Variants in BIRC6 observed in about 807,000 individuals in gnomAD.
The protein encoded by BIRC6 is baculoviral IAP repeat containing 6.
A neutral mutation model predicts 503.3 loss-of-function variants in BIRC6; 98 were observed. That is an observed-to-expected ratio of 0.19 (90% confidence interval 0.17 to 0.23). BIRC6 has a LOEUF of 0.23. BIRC6 is among the 10% of genes least tolerant of loss of function. The pLI is 1.00. For synonymous variants in BIRC6, 2,240 were observed against 2,078.7 expected, an observed-to-expected ratio of 1.08 and a Z score of -2.11; for missense variants, 5,360 against 5,806.0, an observed-to-expected ratio of 0.92 and a Z score of 2.50.
At chr2:32,511,201 C>CTTTTTTTTT in intron 53 of BIRC6, among the ~76,000 whole-genome samples, 1,899 of 48,122 alleles carry the variant, frequency 0.039, 1 homozygote, top group East Asian at 0.08. Flanking sequence ...CTTTTCTTTT[C>CTTTTTTTTT]TTTTTTTTTT....
Position 32,431,080 on chromosome 2 carries a change from C to G in BIRC6, c.3238C>G (p.Gln1080Glu). 6.2e-7 allele frequency: 1 copy of G among 1,602,798 alleles called. No individual in the cohort carries two copies. Among genetic ancestry groups the G allele is most frequent in the Non-Finnish European group, 8.5e-7 (1 of 1,172,954 alleles). ...TCAGCATACTCGAACTTGGAAACTA[C>G]AGACCGACAGGTAAAAGATATTCCC... The part of the protein sequence containing the change: ...AAQHTRTWKL[Q>E]TDSNSWDEHV... Residue 1080 changes from glutamine (Q) to glutamate (E), a missense_variant, in exon 12 of 74, where the codon CAG (glutamine) becomes GAG (glutamate). By Grantham distance (29) the Gln-to-Glu change is conservative. This residue lies in a region of BIRC6 where 2,299 missense variants were observed against 2,267.2 expected (regional missense o/e 1.01). Transcript: ENST00000421745.
chr2:32,407,468 GATTT>G (rs1281426701), intron 9 of BIRC6, among the ~76,000 whole-genome samples: 2 of 130,496 alleles, frequency 1.5e-5, no homozygotes, highest in Non-Finnish European at 3.3e-5. Context: ...AAAAAAAAAA[GATTT>G]AGATAAGATA....
Position 32,509,793 on chromosome 2 carries a change from G to A in BIRC6, c.10036G>A (p.Gly3346Arg). 6.2e-7 allele frequency: 1 copy of A among 1,614,002 alleles called. No homozygotes were observed. Among genetic ancestry groups the A allele is most frequent in the Admixed American group, 1.7e-5 (1 of 60,026 alleles). The change falls in exon 52 of 74, where the codon GGA (glycine) becomes AGA (arginine). Residue 3346 changes from glycine to arginine, a missense_variant. Coordinates refer to ENST00000421745, the MANE Select transcript of BIRC6 (RefSeq NM_016252.4). The part of the protein sequence containing the change: ...HCLTHISDLE[G>R]MMASAAAPTA... Reference sequence around the variant, plus strand: ...CCTTACTCACATAAGTGATCTAGAAGGAATGATGGCAAGTGCAGCTGCACC... The same window carrying A: ...CCTTACTCACATAAGTGATCTAGAAAGAATGATGGCAAGTGCAGCTGCACC...
In BIRC6 at chr2:32,364,709, A is replaced by C. The variant is rs138224037; in HGVS notation, c.325+7223A>C. ...AAATTTGTATGTGGTCATAAATAAG[A>C]GGAAGATCTTTGTACTTTACTGTAG... On this transcript the variant is annotated intron_variant, in intron 1 of 73. Coordinates refer to ENST00000421745, the MANE Select transcript of BIRC6 (RefSeq NM_016252.4). Among the ~76,000 whole-genome samples the C allele has an allele frequency of 7.5e-3, 1,137 of 151,396 alleles. 8 individuals are homozygous for C. Among genetic ancestry groups the C allele is most frequent in the Middle Eastern group, 0.021 (6 of 288 alleles).
intron 50 of BIRC6, among the ~76,000 whole-genome samples, chr2:32,506,904 A>T (rs2053857714): frequency 6.6e-6 from 1 of 152,206 alleles, no homozygotes; most frequent in Admixed American, 6.5e-5. Flanking sequence ...GTAGAAATTT[A>T]AAAATTAACT....
At chr2:32,494,828 G>C (rs1646355801) in intron 45 of BIRC6, among the ~76,000 whole-genome samples, 1 of 152,130 alleles carries the variant, frequency 6.6e-6, no homozygotes, top group East Asian at 1.9e-4. Flanking sequence ...GAGATTGATT[G>C]AACCAGTGAG....
At chr2:32,374,673 T>C (rs563796975) in intron 1 of BIRC6, among the ~76,000 whole-genome samples, 26 of 152,032 alleles carry the variant, frequency 1.7e-4, no homozygotes, top group African/African-American at 4.1e-4. Context: ...GGGGTTTCAC[T>C]GTGTTAGCCA....
intron 61 of BIRC6, among the ~76,000 whole-genome samples, chr2:32,542,455 A>G (rs2057738911): frequency 6.6e-6 from 1 of 152,208 alleles, no homozygotes; most frequent in Non-Finnish European, 1.5e-5. Flanking sequence ...ATTAATAATG[A>G]TAGTAACAGT....
chr2:32,466,422 C>T (rs563470622), intron 26 of BIRC6, among the ~76,000 whole-genome samples: 10 of 152,274 alleles, frequency 6.6e-5, no homozygotes, highest in African/African-American at 2.2e-4. Context: ...TGGGAAAAAG[C>T]ATTGTTTGAG....
rs865806711 is a variant in BIRC6, at chr2:32,357,204, G to A, written c.43G>A (p.Glu15Lys). Residue 15 changes from glutamate to lysine, a missense_variant, in exon 1 of 74, where the codon GAG becomes AAG. Glu to Lys is a moderately conservative substitution (Grantham distance 56, BLOSUM62 1). This residue lies in a region of BIRC6 where 145 missense variants were observed against 106.9 expected (regional missense o/e 1.36). Coordinates refer to ENST00000421745, the MANE Select transcript of BIRC6 (RefSeq NM_016252.4). This position sits in a 1 kb window ranked among gnomAD's most constrained non-coding sequence, Gnocchi z 4.9. ...GGAAPPGTVT[E>K]PLPSVIVLSA... ...TGCTGCACCTCCCGGGACTGTCACT[G>A]AGCCGCTTCCCAGTGTGATTGTGCT... is the stretch of plus-strand genomic sequence containing the variant. The A allele has an allele frequency of 1.9e-6, 3 of 1,539,776 alleles. No homozygotes were observed. In the African/African-American group the frequency reaches 4.3e-5, roughly 22 times the overall value.
intron 64 of BIRC6, chr2:32,548,573 G>A (rs1359285855): frequency 1.5e-5 from 2 of 137,668 alleles, no homozygotes; most frequent in East Asian, 4.3e-4. Context: ...CCTGAGGTCA[G>A]GAGTTTGAGA....
intron 14 of BIRC6, 60 bp downstream of exon 14, chr2:32,435,645 A>C: frequency 6.8e-7 from 1 of 1,468,208 alleles, no homozygotes; most frequent in Non-Finnish European, 9.0e-7. Flanking sequence ...TCTGAATGCA[A>C]CATGTCGGGC....
chr2:32,471,782 A>G (rs138725953), intron 32 of BIRC6, among the ~76,000 whole-genome samples: 86 of 152,240 alleles, frequency 5.6e-4, no homozygotes, highest in African/African-American at 1.6e-3. Flanking sequence ...GAGATATGTA[A>G]GCCTACATAT....
At position 32,468,456 on chromosome 2, in the gene BIRC6, C is replaced by A; in HGVS notation, c.5800C>A (p.Arg1934Ser). The A allele has an allele frequency of 6.3e-7, 1 of 1,579,334 alleles. No homozygotes were observed. Among genetic ancestry groups the A allele is most frequent in the Non-Finnish European group, 8.6e-7 (1 of 1,162,586 alleles). Residue 1934 changes from arginine to serine, a missense_variant, in exon 29 of 74, where the codon CGT (arginine) becomes AGT (serine). By Grantham distance (110) the Arg-to-Ser change is moderately radical. Around this residue, in one of 16 missense-constraint regions of BIRC6, gnomAD observed 2,299 missense variants for 2,267.2 expected, o/e 1.01. Transcript: ENST00000421745. ...IQCRYNLACHRLETLLQSIDL... is the reference protein window; with the variant it reads ...IQCRYNLACHSLETLLQSIDL... ...CTTTAGGTATAACTTGGCTTGTCAT[C>A]GTCTGGAAACCCTTTTGCAAAGTAT...
rs372251797 is a variant in BIRC6, at chr2:32,515,505, A to G, written c.11084A>G (p.Asn3695Ser). The G allele has an allele frequency of 6.2e-7, 1 of 1,613,972 alleles. No homozygotes were observed. Among genetic ancestry groups the G allele is most frequent in the South Asian group, 1.1e-5 (1 of 91,088 alleles). ...CTTAGGTTTTTGACAGAAGTTGGCA[A>G]TAGCCATATTATGAAAGATTGGCTT... ...PILRFLTEVG[N>S]SHIMKDWLGG... The change falls in exon 55 of 74, where the codon AAT becomes AGT. Residue 3695 changes from asparagine (N) to serine (S), a missense_variant. Transcript: ENST00000421745.
intron 73 of BIRC6, among the ~76,000 whole-genome samples, chr2:32,615,913 G>A (rs1280143246): frequency 2.0e-5 from 3 of 152,160 alleles, no homozygotes; most frequent in African/African-American, 7.2e-5. Flanking sequence ...GATTACAGGC[G>A]TGAGGCATCA....
intron 22 of BIRC6, among the ~76,000 whole-genome samples, chr2:32,451,075 A>G (rs1291906907): frequency 6.6e-6 from 1 of 152,186 alleles, no homozygotes; most frequent in African/African-American, 2.4e-5. Context: ...AACCCATACT[A>G]CAATCATAGC....
intron 1 of BIRC6, among the ~76,000 whole-genome samples, chr2:32,367,446 A>G (rs1174974343): frequency 1.3e-5 from 2 of 151,790 alleles, no homozygotes; most frequent in African/African-American, 2.4e-5. Context: ...CAGGGCAACA[A>G]CAGTGAAACA....
rs560251664 is a variant in BIRC6 at position 32,480,621 on chromosome 2, C to CTTTTTTTTTTTTTTTT, written c.7409-677_7409-662dup. 4.0e-4 allele frequency among the ~76,000 whole-genome samples: 24 copies of CTTTTTTTTTTTTTTTT among 60,740 alleles called. 3 individuals carry two copies. The highest frequency in any genetic ancestry group is 2.5e-3 in the East Asian group (2 of 816). 39.8% of individuals were successfully genotyped at this position (60,740 alleles called of 152,430 possible). Reference sequence around the variant, plus strand: ...CATAACAGAAAAATAAGGTAAATGGCTTTTTTTTTTTTTTTTTTTTTTTTT... The same window carrying CTTTTTTTTTTTTTTTT: ...CATAACAGAAAAATAAGGTAAATGGCTTTTTTTTTTTTTTTTTTTTTTTTTTTTTTTTTTTTTTTTT... On this transcript the variant is annotated intron_variant, in intron 37 of 73. Coordinates refer to ENST00000421745, the MANE Select transcript of BIRC6 (RefSeq NM_016252.4).
Sources: allele counts gnomAD v4.1 joint callset (sites outside exome capture counted in the v4.1 genomes callset), GRCh38; gene constraint gnomAD v4.1.1; regional missense constraint gnomAD v4.1.1; non-coding constraint Gnocchi (gnomAD v3.1); transcripts MANE v1.5; gene names NCBI Gene and HGNC (gene_info 2026-07-23, HGNC 2026-07-21).